The following RSAD2 variants were observed in gnomAD, a reference collection of about 807,000 sequenced individuals.
RSAD2 encodes radical S-adenosyl methionine domain containing 2.
A neutral mutation model predicts 37.7 loss-of-function variants in RSAD2; 38 were observed. The ratio of observed to expected loss-of-function variants is 1.01; its 90% CI spans 0.78 to 1.32. The LOEUF (loss-of-function observed/expected upper bound fraction) is 1.32, where lower values mean the gene tolerates loss of function less well. Ranked by LOEUF, RSAD2 falls within the 40% of genes most tolerant of loss-of-function variation. The pLI is 0.00. For missense variants in RSAD2, 428 were observed against 437.5 expected, an observed-to-expected ratio of 0.98 and a Z score of 0.19; for synonymous variants, 163 against 157.4, an observed-to-expected ratio of 1.04 and a Z score of -0.27.
Position 6,897,643 on chromosome 2 carries a change from G to C in RSAD2, c.*1701G>C, listed in dbSNP as rs1663806583. ...CCCCATGGGTTTTGATTGTGTCTAA[G>C]CTATGATGACCTTCATATAATCAGC... On this transcript the variant is annotated 3_prime_UTR_variant, in exon 6 of 6. Coordinates refer to ENST00000382040, the MANE Select transcript of RSAD2 (RefSeq NM_080657.5). 5 of 152,164 alleles carry C rather than the reference G, an allele frequency of 3.3e-5. No individual in the cohort carries two copies. The South Asian group carries it at 1.0e-3, about 32-fold the overall frequency. The allele number at this position is 152,164 out of a possible 1,614,324, so 9.4% of individuals were successfully genotyped here.
intron 1 of RSAD2, among the ~76,000 whole-genome samples, chr2:6,868,769 G>GCTGTAT (rs1214466698): frequency 1.3e-5 from 2 of 152,190 alleles, no homozygotes; most frequent in East Asian, 3.8e-4. Flanking sequence ...TACCTTTGAG[G>GCTGTAT]GAAGAGTTGC....
chr2:6,875,171 T>C (rs1403412395), upstream of RSAD2, among the ~76,000 whole-genome samples: 2 of 152,214 alleles, frequency 1.3e-5, no homozygotes, highest in East Asian at 3.8e-4. Context: ...GCACCTACTT[T>C]AGGTTAAAGC....
At chr2:6,886,473 A>G (rs59898304) in intron 2 of RSAD2, among the ~76,000 whole-genome samples, 8,766 of 152,308 alleles carry the variant, frequency 0.058, 348 homozygotes, top group African/African-American at 0.11. Context: ...ACTGTCAAGA[A>G]GATGTCCAGA....
chr2:6,877,505 A>G (rs1170595241), upstream of RSAD2, among the ~76,000 whole-genome samples: 1 of 152,214 alleles, frequency 6.6e-6, no homozygotes, highest in African/African-American at 2.4e-5. Flanking sequence ...AGAGACTGCT[A>G]TCCTCATGTG....
intron 5 of RSAD2, 26 bp from the exon 6 acceptor site, chr2:6,895,752 A>G: frequency 6.2e-7 from 1 of 1,601,250 alleles, no homozygotes; most frequent in Non-Finnish European, 8.5e-7. Flanking sequence ...ATGGAAATAT[A>G]CCAGTTTCTG....
In RSAD2 at chr2:6,881,435, G is replaced by A. The variant is rs146390198; in HGVS notation, c.347-1936G>A. 5.4e-3 allele frequency among the ~76,000 whole-genome samples: 824 copies of A among 152,348 alleles called. 24 individuals are homozygous for A. The highest frequency in any genetic ancestry group is 0.04 in the Admixed American group (608 of 15,308). On this transcript the variant is annotated intron_variant, in intron 1 of 5. Coordinates refer to ENST00000382040, the MANE Select transcript of RSAD2 (RefSeq NM_080657.5). ...ACTTATAAAGACTCTAGGCTTTGGA[G>A]TCTAGGCATGTACCCTAGCTCTACT... is the stretch of plus-strand genomic sequence containing the variant.
At chr2:6,874,840 T>C (rs1046473845), upstream of RSAD2, among the ~76,000 whole-genome samples, 2 of 152,358 alleles carry the variant, frequency 1.3e-5, no homozygotes, top group East Asian at 1.9e-4. Flanking sequence ...AGCATTCTTA[T>C]TTTATTTCTG....
At chr2:6,881,754 C>T (rs1380964054) in intron 1 of RSAD2, among the ~76,000 whole-genome samples, 1 of 151,782 alleles carries the variant, frequency 6.6e-6, no homozygotes, top group African/African-American at 2.4e-5. Context: ...TCCTAGAATG[C>T]AGGCAGGCAA....
At chr2:6,873,103 TC>T (rs1663227787), upstream of RSAD2, among the ~76,000 whole-genome samples, 1 of 152,156 alleles carries the variant, frequency 6.6e-6, no homozygotes, top group South Asian at 2.1e-4. Flanking sequence ...CTTTTTGTCA[TC>T]TCCTGTAACT....
chr2:6,873,640 G>A (rs888520008), upstream of RSAD2, among the ~76,000 whole-genome samples: 3 of 152,056 alleles, frequency 2.0e-5, no homozygotes, highest in Non-Finnish European at 2.9e-5. Context: ...TATTCTTTTC[G>A]AAGTCTTCTG....
At chr2:6,883,342 T>C (rs1156716814) in intron 1 of RSAD2, 29 bp from the exon 2 acceptor site, 1 of 1,601,474 alleles carries the variant, frequency 6.2e-7, no homozygotes, top group South Asian at 1.1e-5. Context: ...ATTTGTGAAG[T>C]GGTAAAATTC....
chr2:6,889,366 G>A (rs1018934114), intron 3 of RSAD2, among the ~76,000 whole-genome samples: 10 of 152,154 alleles, frequency 6.6e-5, no homozygotes, highest in African/African-American at 2.2e-4. Context: ...TCAAAAGACC[G>A]AGAAGCAAAA....
chr2:6,883,252 A>G (rs1663449374), intron 1 of RSAD2, 119 bp from the exon 2 acceptor site: 7 of 1,091,916 alleles, frequency 6.4e-6, no homozygotes. Context: ...GGGTTAGGGG[A>G]GGGGAAATTA....
chr2:6,869,629 A>G (rs1283840946), intron 1 of RSAD2, among the ~76,000 whole-genome samples: 5 of 152,236 alleles, frequency 3.3e-5, no homozygotes, highest in Admixed American at 3.3e-4. Context: ...AGGAAACCTA[A>G]TAGGCAAAGG....
intron 1 of RSAD2, chr2:6,866,446 C>G: frequency 1.0e-6 from 1 of 985,658 alleles, no homozygotes; most frequent in Non-Finnish European, 1.2e-6. Context: ...GCTTTTCCCT[C>G]TTCTTGGAAT....
chr2:6,889,775 T>C (rs1212556357), intron 3 of RSAD2, among the ~76,000 whole-genome samples: 1 of 152,240 alleles, frequency 6.6e-6, no homozygotes, highest in African/African-American at 2.4e-5. Flanking sequence ...GCTAGAGGCC[T>C]TCATAAGAAT....
chr2:6,886,244 A>G lies in RSAD2; in HGVS notation c.509-691A>G, dbSNP rs371804326. Among the ~76,000 whole-genome samples, 11 of 152,358 alleles carry G rather than the reference A, an allele frequency of 7.2e-5. No individual in the cohort carries two copies. In the South Asian group the frequency reaches 2.1e-3, roughly 29 times the overall value. On this transcript the variant is annotated intron_variant, in intron 2 of 5. Transcript: ENST00000382040. ...GGGATAATAAGATAGGTGGAGTAGAAACTAGTGTGACAGAAACCAAAGCAA... is the reference window on the plus strand; with the variant it reads ...GGGATAATAAGATAGGTGGAGTAGAGACTAGTGTGACAGAAACCAAAGCAA...
At chr2:6,874,473 T>C (rs950150503), upstream of RSAD2, among the ~76,000 whole-genome samples, 37 of 152,350 alleles carry the variant, frequency 2.4e-4, no homozygotes, top group Non-Finnish European at 4.1e-4. Context: ...ACATTATTTC[T>C]TACAATTTCC....
chr2:6,892,929 T>C (rs546112540), intron 4 of RSAD2, among the ~76,000 whole-genome samples: 1 of 152,358 alleles, frequency 6.6e-6, no homozygotes, highest in East Asian at 1.9e-4. Context: ...GAACATTATA[T>C]AAAAGCTGGT....
Sources: allele counts gnomAD v4.1 joint callset (sites outside exome capture counted in the v4.1 genomes callset), GRCh38; gene constraint gnomAD v4.1.1; transcripts MANE v1.5; gene names NCBI Gene and HGNC (gene_info 2026-07-23, HGNC 2026-07-21).